URB1: variants seen among roughly 807,000 people sequenced by gnomAD.
URB1 encodes the protein nucleolar pre-ribosomal-associated protein 1.
In URB1, 197 loss-of-function variants were observed where a neutral mutation model predicts 242.3. The observed-to-expected ratio is 0.81, with a 90% CI of 0.72 to 0.91. URB1 has a LOEUF of 0.91. Ranked by LOEUF, URB1 falls within the 40% of genes least tolerant of loss-of-function variation. The probability of loss-of-function intolerance (pLI) is 0.00; values close to 1 mark genes in which losing one functional copy is unlikely to be tolerated. For synonymous variants in URB1, 1,153 were observed against 1,201.8 expected, an observed-to-expected ratio of 0.96 and a Z score of 0.84; for missense variants, 2,721 against 2,860.5, an observed-to-expected ratio of 0.95 and a Z score of 1.11.
chr21:32,350,772 G>A lies in URB1; in HGVS notation c.2764C>T (p.Gln922Ter). Residue 922 changes from glutamine (Q) to a stop codon, truncating the protein, a stop_gained, in exon 20 of 39, where the codon CAG becomes TAG. Transcript: ENST00000382751. LOFTEE classifies it high-confidence loss of function. ...LQATMPHLSMQQVLLAAKQVL... is the reference protein window; with the variant it reads ...LQATMPHLSM ...TGCTTGGCCGCGAGCAGGACCTGCT[G>A]CATGGACAGGTGTGGCATGGTGGCC... is the stretch of plus-strand genomic sequence containing the variant. 6.4e-7 allele frequency: 1 copy of A among 1,551,504 alleles called. No individual in the cohort carries two copies.
At chr21:32,389,447 C>T (rs1601162503) in intron 1 of URB1, among the ~76,000 whole-genome samples, 1 of 152,192 alleles carries the variant, frequency 6.6e-6, no homozygotes, top group Non-Finnish European at 1.5e-5. Flanking sequence ...GCACACAGCA[C>T]GGGCTGCAGG....
chr21:32,344,440 A>C (rs2033062861), intron 24 of URB1, 130 bp downstream of exon 24: 1 of 1,006,962 alleles, frequency 9.9e-7, no homozygotes, highest in Admixed American at 2.7e-5. Flanking sequence ...TCTGCCCCAG[A>C]CACAGCCCCT....
chr21:32,383,890 G>T (rs2833796), intron 3 of URB1, among the ~76,000 whole-genome samples: 35,358 of 152,026 alleles, frequency 0.23, 4,969 homozygotes, highest in East Asian at 0.51. Context: ...CTTCACAAAG[G>T]CATCTCTGAA....
At chr21:32,355,144 C>T (rs901725914) in intron 16 of URB1, 147 bp from the exon 17 acceptor site, 3 of 1,143,268 alleles carry the variant, frequency 2.6e-6, no homozygotes, top group African/African-American at 1.6e-5. Flanking sequence ...TGGGCCTAAA[C>T]TTTTTATTGT....
chr21:32,341,002 A>AT (rs990770061), intron 25 of URB1, among the ~76,000 whole-genome samples: 38 of 149,276 alleles, frequency 2.5e-4, no homozygotes, highest in African/African-American at 8.7e-4. Context: ...AGAATGATAC[A>AT]TTAAAAAAAA....
chr21:32,337,687 A>C (rs536955185), intron 26 of URB1, among the ~76,000 whole-genome samples, 173 bp from the exon 27 acceptor site: 4 of 149,762 alleles, frequency 2.7e-5, no homozygotes, highest in East Asian at 3.9e-4. Context: ...TGTTATTATT[A>C]TTTTCTTTTC....
chr21:32,369,490 G>T (rs933879084), intron 8 of URB1, among the ~76,000 whole-genome samples: 1 of 151,660 alleles, frequency 6.6e-6, no homozygotes, highest in Non-Finnish European at 1.5e-5. Flanking sequence ...TCAGAGACAG[G>T]GTCTTGCTCT....
chr21:32,317,650 G>A (rs770668818), intron 37 of URB1, 26 bp downstream of exon 37: 10 of 1,549,912 alleles, frequency 6.5e-6, no homozygotes, highest in Non-Finnish European at 8.7e-6. Flanking sequence ...GGCTACTCTG[G>A]GCCAGTCCTG....
chr21:32,342,734 C>A (rs1045921751), intron 24 of URB1, among the ~76,000 whole-genome samples: 4 of 151,886 alleles, frequency 2.6e-5, no homozygotes, highest in African/African-American at 4.8e-5. Context: ...GAATTACAGG[C>A]GCGTGCCACC....
chr21:32,341,619 C>T (rs1281254008), intron 24 of URB1, 95 bp from the exon 25 acceptor site: 1 of 1,128,808 alleles, frequency 8.9e-7, no homozygotes, highest in Non-Finnish European at 1.3e-6. Context: ...AGGCATCTGC[C>T]TCCATGGCCT....
At position 32,350,824 on chromosome 21, in the gene URB1, C is replaced by T; in HGVS notation, c.2712G>A (p.Arg904=). 1 of 1,551,354 alleles carries T rather than the reference C, an allele frequency of 6.4e-7. No individual in the cohort carries two copies. ...GCAGCTGCACCTGGATGTGCTCGTC[C>T]CGAAGCGCTTGGCTCTCGTAGGCTG... ...LQAAYESQAL[R]DEHIQVQLQA... is the part of the protein sequence containing the mutation. Residue 904 remains arginine, a synonymous_variant, in exon 20 of 39, where the codon CGG becomes CGA. Coordinates refer to ENST00000382751, the MANE Select transcript of URB1 (RefSeq NM_014825.3).
At chr21:32,326,560 C>A (rs1021498664) in intron 30 of URB1, among the ~76,000 whole-genome samples, 5 of 152,076 alleles carry the variant, frequency 3.3e-5, no homozygotes, top group Non-Finnish European at 7.4e-5. Context: ...TTACAAACCC[C>A]CATGTTGGAG....
chr21:32,362,149 GGA>G, intron 11 of URB1, 128 bp from the exon 12 acceptor site: 4 of 1,215,026 alleles, frequency 3.3e-6, no homozygotes, highest in Non-Finnish European at 4.5e-6. Context: ...CGTGTAAGAA[GGA>G]GAGGGAAGAG....
intron 4 of URB1, among the ~76,000 whole-genome samples, chr21:32,381,472 A>G (rs1444537893): frequency 1.3e-5 from 2 of 151,602 alleles, no homozygotes; most frequent in South Asian, 2.1e-4. Flanking sequence ...ACTAAATAGC[A>G]TTTAAAAAAA....
intron 32 of URB1, among the ~76,000 whole-genome samples, chr21:32,323,332 C>T (rs2032790247): frequency 6.6e-6 from 1 of 152,310 alleles, no homozygotes; most frequent in Non-Finnish European, 1.5e-5. Flanking sequence ...GCTATCTACC[C>T]TTGGGAGCCT....
chr21:32,333,481 G>T, intron 29 of URB1, 62 bp from the exon 30 acceptor site: 2 of 1,286,174 alleles, frequency 1.6e-6, no homozygotes, highest in East Asian at 5.1e-5. Flanking sequence ...TACAGGTTGA[G>T]TATCTCTTAT....
rs573063562 is a variant in URB1, at chr21:32,361,053, G to C, written c.1710C>G (p.Pro570=). The part of the protein sequence containing the change: ...QVICLYQKVV[P]HVVMQYNFDF... ...CAAAGTTGTACTGCATGACCACGTG[G>C]GGGACCACCTTCTGGTAGAGGCATA... Residue 570 remains proline, a synonymous_variant, in exon 13 of 39, where the codon CCC becomes CCG. Transcript: ENST00000382751. 3 of 1,551,080 alleles carry C rather than the reference G, an allele frequency of 1.9e-6. No homozygotes were observed. Among genetic ancestry groups the C allele is most frequent in the African/African-American group, 1.4e-5 (1 of 72,880 alleles).
chr21:32,382,508 C>T lies in URB1; in HGVS notation c.567+914G>A, dbSNP rs74978135. Among the ~76,000 whole-genome samples the T allele has an allele frequency of 5.5e-3, 830 of 152,198 alleles. 5 individuals are homozygous for T. The highest frequency in any genetic ancestry group is 0.019 in the African/African-American group (793 of 41,510). On this transcript the variant is annotated intron_variant, in intron 4 of 38. Coordinates refer to ENST00000382751, the MANE Select transcript of URB1 (RefSeq NM_014825.3). ...ATTATCAACCCTTTAGTCCAATTCC[C>T]GGCAATGTAGAAACTCTTAGTTCCC...
rs202126962 is a variant in URB1 at position 32,347,742 on chromosome 21, G to T, written c.3082C>A (p.Gln1028Lys). ...AGCGTGTGCGGCGGGAGGGCCTGCT[G>T]CTCCAGGGCCAGGAACCAGCCCTCC... ...TLEGWFLALE[Q>K]QALPPHTLSP... The change falls in exon 22 of 39, where the codon CAG (glutamine) becomes AAG (lysine). Residue 1028 changes from glutamine (Q) to lysine (K), a missense_variant. Transcript: ENST00000382751. 6.6e-5 allele frequency: 103 copies of T among 1,549,898 alleles called. No homozygotes were observed. The African/African-American group carries it at 1.1e-3, about 16-fold the overall frequency.
Sources: gnomAD v4.1 joint callset for allele counts (sites outside exome capture counted in the v4.1 genomes callset) on GRCh38, gnomAD v4.1.1 for gene constraint, MANE v1.5 for transcripts, NCBI Gene and HGNC (gene_info 2026-07-23, HGNC 2026-07-21) for gene names.